Variants in ADARB1 observed in about 807,000 individuals in gnomAD.
The protein encoded by ADARB1 is adenosine deaminase RNA specific B1.
ADARB1 carries 10 observed loss-of-function variants against 52.4 expected under a neutral mutation model. That is an observed-to-expected ratio of 0.19 (90% confidence interval 0.12 to 0.32). ADARB1 has a LOEUF of 0.32. Among genes scored for constraint, ADARB1 ranks in the 10% least tolerant of loss-of-function variants. The pLI is 1.00. For missense variants in ADARB1, 643 were observed against 922.3 expected (o/e 0.70, Z 3.92); for synonymous variants, 349 against 371.1 (o/e 0.94, Z 0.68).
intron 8 of ADARB1, among the ~76,000 whole-genome samples, chr21:45,188,009 G>T (rs1212466728): frequency 6.6e-6 from 1 of 152,142 alleles, no homozygotes; most frequent in East Asian, 1.9e-4. Flanking sequence ...CATAGAGTGA[G>T]CTTGGAAATG....
rs200847132 is a variant in ADARB1, at chr21:45,139,933, CTTTTTTTTT to C, written c.-48+11379_-48+11387del. ...GGTAAAATGTACAGACAATAAAACT[CTTTTTTTTT>C]TTTTTTTTTTTTTTTTTTGACACAG... On this transcript the variant is annotated intron_variant, in intron 2 of 10. Coordinates refer to ENST00000348831, the MANE Select transcript of ADARB1 (RefSeq NM_001112.4). Among the ~76,000 whole-genome samples the C allele has an allele frequency of 6.6e-4, 56 of 84,974 alleles. No homozygotes were observed. In the Middle Eastern group the frequency reaches 0.023, roughly 36 times the overall value. The allele number at this position is 84,974 out of a possible 152,430, so 55.7% of individuals were successfully genotyped here. A position where few individuals can be genotyped will look rare whatever the true frequency, so the allele number is the denominator to read the frequency against.
At position 45,136,719 on chromosome 21, in the gene ADARB1, A is replaced by AC. The variant is rs553749851; in HGVS notation, c.-48+8149dup. ...GGGTGTCCCCGCACCCAGAGGAGGCACCCTGCCGCTCTCCCCCAGGTTGCT... is the reference window on the plus strand; with the variant it reads ...GGGTGTCCCCGCACCCAGAGGAGGCACCCCTGCCGCTCTCCCCCAGGTTGCT... On this transcript the variant is annotated intron_variant, in intron 2 of 10. Transcript: ENST00000348831. 2.6e-5 allele frequency among the ~76,000 whole-genome samples: 4 copies of AC among 152,234 alleles called. No individual in the cohort carries two copies. The South Asian group carries it at 6.2e-4, about 24-fold the overall frequency.
intron 9 of ADARB1, among the ~76,000 whole-genome samples, chr21:45,219,378 G>T (rs1239073854): frequency 6.6e-6 from 1 of 152,138 alleles, no homozygotes; most frequent in Non-Finnish European, 1.5e-5. Flanking sequence ...ACAAAAACCA[G>T]CTGGGCATGG....
intron 2 of ADARB1, chr21:45,145,943 G>C (rs2089982024): frequency 6.6e-6 from 1 of 152,270 alleles, no homozygotes; most frequent in Non-Finnish European, 1.5e-5. Context: ...ACCTTTGCCA[G>C]TCATGTTGAC....
chr21:45,207,334 A>G (rs1025517574), intron 9 of ADARB1, among the ~76,000 whole-genome samples: 1 of 152,206 alleles, frequency 6.6e-6, no homozygotes. Context: ...TTTGGAGAAG[A>G]CACCTTTAGA....
intron 2 of ADARB1, among the ~76,000 whole-genome samples, chr21:45,146,499 A>C (rs1200590092): frequency 6.6e-6 from 1 of 152,220 alleles, no homozygotes; most frequent in Non-Finnish European, 1.5e-5. Flanking sequence ...CAGGACACAG[A>C]ATACCACTAG....
intron 9 of ADARB1, among the ~76,000 whole-genome samples, chr21:45,210,641 A>G (rs1172888055): frequency 6.6e-6 from 1 of 152,172 alleles, no homozygotes; most frequent in Non-Finnish European, 1.5e-5. Flanking sequence ...CACCCTTCAC[A>G]GTGGAAGCAG....
In ADARB1 at chr21:45,171,673, A is replaced by G; in HGVS notation, c.17A>G (p.Glu6Gly). The change falls in exon 3 of 11, where the codon GAA becomes GGA. Residue 6 changes from glutamate (E) to glycine (G), a missense_variant. By Grantham distance (98) the Glu-to-Gly change is moderately conservative. Transcript: ENST00000348831. The stretch of plus-strand genomic sequence containing the variant: ...TATTTTGCCATGGATATAGAAGATG[A>G]AGAAAACATGAGTAAGATCTAGGCC... MDIEDEENMSSSSTDV... is the reference protein window; with the variant it reads MDIEDGENMSSSSTDV... The G allele has an allele frequency of 6.2e-7, 1 of 1,613,678 alleles. No homozygotes were observed. Among genetic ancestry groups the G allele is most frequent in the Non-Finnish European group, 8.5e-7 (1 of 1,179,780 alleles).
chr21:45,184,860 C>T, intron 7 of ADARB1, 63 bp from the exon 8 acceptor site: 2 of 1,485,168 alleles, frequency 1.3e-6, no homozygotes, highest in Non-Finnish European at 1.8e-6. Flanking sequence ...GTTAGATGTG[C>T]TTTTCAATAA....
chr21:45,199,935 T>G (rs1282584590), intron 8 of ADARB1, among the ~76,000 whole-genome samples: 1 of 152,156 alleles, frequency 6.6e-6, no homozygotes, highest in East Asian at 1.9e-4. Context: ...GATCCAAGCC[T>G]TTTATTATAT....
chr21:45,194,193 A>G (rs1349139853), intron 8 of ADARB1, among the ~76,000 whole-genome samples: 1 of 152,172 alleles, frequency 6.6e-6, no homozygotes, highest in East Asian at 1.9e-4. Flanking sequence ...AGAATTTCCC[A>G]TATACCCAGT....
chr21:45,211,755 G>C (rs1196420797), intron 9 of ADARB1, among the ~76,000 whole-genome samples: 2 of 152,186 alleles, frequency 1.3e-5, no homozygotes, highest in African/African-American at 4.8e-5. Flanking sequence ...CAGCCAAGTT[G>C]TTCTTGCTTT....
chr21:45,079,635 A>G (rs1486100855), intron 1 of ADARB1, among the ~76,000 whole-genome samples: 1 of 152,250 alleles, frequency 6.6e-6, no homozygotes, highest in Non-Finnish European at 1.5e-5. Flanking sequence ...CAGTTTTCTC[A>G]TCTATAAATT....
intron 1 of ADARB1, among the ~76,000 whole-genome samples, chr21:45,112,502 C>G (rs1287157552): frequency 6.6e-6 from 1 of 151,850 alleles, no homozygotes; most frequent in African/African-American, 2.4e-5. Context: ...GGGGGTGAGC[C>G]TTCCTCTCGG....
intron 9 of ADARB1, among the ~76,000 whole-genome samples, chr21:45,214,047 G>A (rs769591900): frequency 2.0e-5 from 3 of 152,126 alleles, no homozygotes; most frequent in Non-Finnish European, 4.4e-5. Flanking sequence ...CTTATATGCC[G>A]GCACGCAGTA....
At chr21:45,160,712 C>G (rs1383916413) in intron 2 of ADARB1, among the ~76,000 whole-genome samples, 1 of 152,154 alleles carries the variant, frequency 6.6e-6, no homozygotes, top group African/African-American at 2.4e-5. Flanking sequence ...ATTTTATTTG[C>G]CTTTTAATCA....
rs550009550 is a variant in ADARB1, at chr21:45,162,560, T to C, written c.-47-9050T>C. Among the ~76,000 whole-genome samples, 31 of 152,098 alleles carry C rather than the reference T, an allele frequency of 2.0e-4. No individual in the cohort carries two copies. The East Asian group carries it at 5.2e-3, about 26-fold the overall frequency. ...TGATGGAGGTTTCTGGCCAGAAAAA[T>C]GATACCCTGAGGATCCTATGACACT... On this transcript the variant is annotated intron_variant, in intron 2 of 10. Coordinates refer to ENST00000348831, the MANE Select transcript of ADARB1 (RefSeq NM_001112.4).
At chr21:45,148,882 C>G (rs1213130632) in intron 2 of ADARB1, among the ~76,000 whole-genome samples, 1 of 152,236 alleles carries the variant, frequency 6.6e-6, no homozygotes, top group African/African-American at 2.4e-5. Context: ...TTTAGGCTGT[C>G]TCGTCCCTGA....
chr21:45,136,767 A>G (rs1433256822), intron 2 of ADARB1, among the ~76,000 whole-genome samples: 2 of 152,200 alleles, frequency 1.3e-5, no homozygotes, highest in Non-Finnish European at 2.9e-5. Context: ...TGCAGGGAGA[A>G]TCCCGCCCCC....
Sources: gnomAD v4.1 joint callset for allele counts (sites outside exome capture counted in the v4.1 genomes callset) on GRCh38, gnomAD v4.1.1 for gene constraint, MANE v1.5 for transcripts, NCBI Gene and HGNC (gene_info 2026-07-23, HGNC 2026-07-21) for gene names.